Variants in NOL4L observed in about 807,000 individuals in gnomAD.
The protein encoded by NOL4L is nucleolar protein 4 like.
Under a neutral mutation model 64.5 loss-of-function variants are expected in NOL4L, and 7 were observed. The ratio of observed to expected loss-of-function variants is 0.11; its 90% CI spans 0.06 to 0.20. The LOEUF is 0.20. Ranked by LOEUF, NOL4L falls within the 10% of genes least tolerant of loss-of-function variation. The probability of loss-of-function intolerance (pLI) is 1.00; values close to 1 mark genes in which losing one functional copy is unlikely to be tolerated. For synonymous variants in NOL4L, 413 were observed against 401.0 expected (o/e 1.03, Z -0.36); for missense variants, 680 against 967.1 (o/e 0.70, Z 3.94).
At chr20:32,466,465 C>T (rs1482226320) in intron 5 of NOL4L, among the ~76,000 whole-genome samples, 1 of 152,216 alleles carries the variant, frequency 6.6e-6, no homozygotes, top group African/African-American at 2.4e-5. Flanking sequence ...GTGCCGCCTG[C>T]GGCCCAGCTG....
intron 1 of NOL4L, chr20:32,536,426 G>T: frequency 3.7e-6 from 2 of 543,032 alleles, no homozygotes; most frequent in Non-Finnish European, 4.7e-6. Flanking sequence ...AATGACTGTT[G>T]ACAGCGCGCG....
chr20:32,466,455 G>A (rs1321577704), intron 5 of NOL4L, among the ~76,000 whole-genome samples: 2 of 152,200 alleles, frequency 1.3e-5, no homozygotes, highest in Non-Finnish European at 2.9e-5. Context: ...AGCATTGTCT[G>A]TGCCGCCTGC....
chr20:32,527,115 C>G (rs1466811373), intron 2 of NOL4L, among the ~76,000 whole-genome samples: 2 of 152,208 alleles, frequency 1.3e-5, no homozygotes, highest in African/African-American at 2.4e-5. Context: ...TCATCTGTGT[C>G]TGGCGGTGCC....
At chr20:32,465,189 C>T (rs1364603293) in intron 5 of NOL4L, 2 of 459,638 alleles carry the variant, frequency 4.4e-6, no homozygotes, top group African/African-American at 2.0e-5. Context: ...GAGTGTCAGG[C>T]GGCGGGTAAC....
chr20:32,564,990 T>C (rs13043294), intron 1 of NOL4L: 152,546 of 152,550 alleles, frequency 1, 76,271 homozygotes, highest in Middle Eastern at 1. Context: ...CCTGCCAGTA[T>C]CTGCCTGAGC....
At chr20:32,458,809 C>T (rs2013786876) in intron 5 of NOL4L, among the ~76,000 whole-genome samples, 1 of 152,254 alleles carries the variant, frequency 6.6e-6, no homozygotes, top group Non-Finnish European at 1.5e-5. Context: ...GTGCCACACC[C>T]TACATAGGCC....
chr20:32,531,553 A>G (rs1238711926), intron 1 of NOL4L, among the ~76,000 whole-genome samples: 1 of 151,970 alleles, frequency 6.6e-6, no homozygotes, highest in Non-Finnish European at 1.5e-5. Flanking sequence ...GCGTTTCACC[A>G]TGTTGGCCAG....
intron 1 of NOL4L, among the ~76,000 whole-genome samples, chr20:32,578,550 T>G (rs1187965486): frequency 4.6e-5 from 7 of 151,956 alleles, no homozygotes; most frequent in Non-Finnish European, 4.4e-5. Flanking sequence ...CATGCCTGAG[T>G]TTTTTAAAAT....
intron 1 of NOL4L, among the ~76,000 whole-genome samples, chr20:32,547,883 G>A (rs77718454): frequency 1.2e-4 from 19 of 152,222 alleles, no homozygotes; most frequent in East Asian, 5.8e-4. Flanking sequence ...TGGGGCAATC[G>A]TGCCTCTGTG....
At chr20:32,541,605 G>A (rs1254770581) in intron 1 of NOL4L, among the ~76,000 whole-genome samples, 6 of 152,256 alleles carry the variant, frequency 3.9e-5, no homozygotes, top group Admixed American at 6.5e-5. Flanking sequence ...CCATCGGCCC[G>A]GGCCTGGAAT....
At chr20:32,479,560 T>C (rs293536) in intron 4 of NOL4L, among the ~76,000 whole-genome samples, 80,310 of 151,966 alleles carry the variant, frequency 0.53, 23,206 homozygotes, top group East Asian at 0.99. Context: ...AGTGAGACGC[T>C]GTCTCTATTT....
intron 1 of NOL4L, chr20:32,532,376 G>T: frequency 1.0e-6 from 1 of 985,404 alleles, no homozygotes; most frequent in Non-Finnish European, 1.2e-6. Flanking sequence ...ACACCCTAGG[G>T]GAAGAACGCC....
At chr20:32,545,758 C>T (rs1004621670) in intron 1 of NOL4L, among the ~76,000 whole-genome samples, 3 of 152,152 alleles carry the variant, frequency 2.0e-5, no homozygotes, top group African/African-American at 7.2e-5. Flanking sequence ...CTCCGCTGTC[C>T]CAGGGGCTGG....
At chr20:32,570,913 C>T (rs1979712523) in intron 1 of NOL4L, among the ~76,000 whole-genome samples, 1 of 152,182 alleles carries the variant, frequency 6.6e-6, no homozygotes, top group African/African-American at 2.4e-5. Flanking sequence ...CTCACTACAG[C>T]CTCCAGGGAA....
intron 5 of NOL4L, among the ~76,000 whole-genome samples, chr20:32,457,720 C>T (rs767656140): frequency 1.4e-4 from 22 of 152,134 alleles, no homozygotes; most frequent in Non-Finnish European, 2.5e-4. Context: ...GGCGTCCTGT[C>T]CTCCTTCGGG....
At position 32,488,783 on chromosome 20, in the gene NOL4L, CTTCCTTCCTTTCTTTCTTTCTT is replaced by C. The variant is rs1568647690; in HGVS notation, c.700-14063_700-14042del. ...CCTTCCTTCCTTCCTTCCTTCCTTCCTTCCTTCCTTTCTTTCTTTCTTTTTCTTTCTTTCTTTCTTTCTTTTT... is the reference window on the plus strand; with the variant it reads ...CCTTCCTTCCTTCCTTCCTTCCTTCCTTTCTTTCTTTCTTTCTTTCTTTTT... On this transcript the variant is annotated intron_variant, in intron 4 of 10. Transcript: ENST00000621426. 9.9e-3 allele frequency among the ~76,000 whole-genome samples: 433 copies of C among 43,926 alleles called. 9 individuals are homozygous for C. Among genetic ancestry groups the C allele is most frequent in the East Asian group, 0.056 (40 of 714 alleles). 28.8% of individuals were successfully genotyped at this position (43,926 alleles called of 152,430 possible).
chr20:32,584,841 C>A lies in NOL4L; in HGVS notation c.50G>T (p.Ser17Ile), dbSNP rs1980785904. Residue 17 changes from serine to isoleucine, a missense_variant, in exon 1 of 11, where the codon AGC (serine) becomes ATC (isoleucine). Physicochemically the swap from Ser to Ile is moderately radical, Grantham distance 142. This residue lies in a region of NOL4L where 181 missense variants were observed against 335.2 expected (regional missense o/e 0.54). Coordinates refer to ENST00000621426, the MANE Select transcript of NOL4L (RefSeq NM_001256798.2). The part of the protein sequence containing the change: ...LLRGGWERER[S>I]PGDSELGRQF... ...GCGGCCCAGCTCCGAGTCCCCGGGG[C>A]TGCGCTCGCGCTCCCAGCCCCCGCG... 6.8e-7 allele frequency: 1 copy of A among 1,475,480 alleles called. No individual in the cohort carries two copies. The highest frequency in any genetic ancestry group is 9.0e-7 in the Non-Finnish European group (1 of 1,110,522). 91.4% of individuals were successfully genotyped at this position (1,475,480 alleles called of 1,614,324 possible).
intron 1 of NOL4L, among the ~76,000 whole-genome samples, chr20:32,537,379 A>G (rs1323384853): frequency 6.6e-6 from 1 of 152,226 alleles, no homozygotes; most frequent in Non-Finnish European, 1.5e-5. Flanking sequence ...CCTGGGAGAC[A>G]AAACAGTCAC....
intron 4 of NOL4L, among the ~76,000 whole-genome samples, chr20:32,509,517 C>CAAAAAAAAAA (rs71338441): frequency 6.4e-4 from 40 of 62,742 alleles, no homozygotes; most frequent in East Asian, 1.6e-3. Flanking sequence ...GACTCTGCCT[C>CAAAAAAAAAA]AAAAAAAAAA....
Sources: gnomAD v4.1 joint callset for allele counts (sites outside exome capture counted in the v4.1 genomes callset) on GRCh38, gnomAD v4.1.1 for gene constraint, gnomAD v4.1.1 regional missense constraint, MANE v1.5 for transcripts, NCBI Gene and HGNC (gene_info 2026-07-23, HGNC 2026-07-21) for gene names.